The following PDS5B variants were observed in gnomAD, a reference collection of about 807,000 sequenced individuals.
The protein encoded by PDS5B is sister chromatid cohesion protein PDS5 homolog B.
PDS5B carries 51 observed loss-of-function variants against 184.1 expected under a neutral mutation model. The ratio of observed to expected loss-of-function variants is 0.28; its 90% CI spans 0.22 to 0.35. The LOEUF (loss-of-function observed/expected upper bound fraction) is 0.35. Among genes scored for constraint, PDS5B ranks in the 10% least tolerant of loss-of-function variants. The pLI, the probability that PDS5B is intolerant of heterozygous loss-of-function variation, is 1.00. For missense variants in PDS5B, 1,180 were observed against 1,723.3 expected, an observed-to-expected ratio of 0.68 and a Z score of 5.58; for synonymous variants, 566 against 569.2, an observed-to-expected ratio of 0.99 and a Z score of 0.08.
intron 14 of PDS5B, among the ~76,000 whole-genome samples, chr13:32,696,256 A>G (rs1251586346): frequency 6.6e-6 from 1 of 152,094 alleles, no homozygotes; most frequent in African/African-American, 2.4e-5. Context: ...GGTTTTTAAA[A>G]TAACACTACT....
chr13:32,636,752 C>T (rs1566269568), intron 1 of PDS5B, among the ~76,000 whole-genome samples: 1 of 152,162 alleles, frequency 6.6e-6, no homozygotes, highest in Non-Finnish European at 1.5e-5. Context: ...ATATAGTTTA[C>T]AGTTCAGAAG....
At chr13:32,615,713 C>A (rs903861429) in intron 1 of PDS5B, among the ~76,000 whole-genome samples, 2 of 152,032 alleles carry the variant, frequency 1.3e-5, no homozygotes, top group Admixed American at 1.3e-4. Flanking sequence ...GTATTTTCAC[C>A]ATGTGAGCTC....
intron 24 of PDS5B, among the ~76,000 whole-genome samples, chr13:32,750,871 G>C (rs1019322436): frequency 2.6e-5 from 4 of 151,628 alleles, no homozygotes; most frequent in African/African-American, 4.9e-5. Flanking sequence ...GTGTGTGTGT[G>C]TGTGTGTGTG....
intron 24 of PDS5B, among the ~76,000 whole-genome samples, chr13:32,747,396 A>G (rs553735215): frequency 2.2e-4 from 34 of 152,206 alleles, no homozygotes; most frequent in African/African-American, 4.8e-4. Flanking sequence ...ACAGTCATCT[A>G]TTTTTAAATT....
At chr13:32,713,968 G>T (rs2140902230) in intron 19 of PDS5B, among the ~76,000 whole-genome samples, 1 of 152,248 alleles carries the variant, frequency 6.6e-6, no homozygotes, top group Middle Eastern at 3.4e-3. Context: ...GAAATAAAGG[G>T]ACAGAGTACA....
intron 17 of PDS5B, among the ~76,000 whole-genome samples, chr13:32,704,407 G>C (rs1951948047): frequency 6.6e-6 from 1 of 152,150 alleles, no homozygotes; most frequent in African/African-American, 2.4e-5. Flanking sequence ...GGCCTCAAGT[G>C]ATCTGCCCGC....
intron 19 of PDS5B, among the ~76,000 whole-genome samples, chr13:32,720,347 G>A (rs183041132): frequency 8.5e-5 from 13 of 152,232 alleles, no homozygotes; most frequent in African/African-American, 1.2e-4. Context: ...GGTTGGTAAC[G>A]TGGTAATATA....
At chr13:32,652,145 G>GT (rs34522910) in intron 3 of PDS5B, 138 bp downstream of exon 3, 150,325 of 461,614 alleles carry the variant, frequency 0.33, 6,369 homozygotes, top group South Asian at 0.4. Context: ...TAAACTTAAT[G>GT]TTTTTTTTTT....
At chr13:32,648,918 G>C (rs768336939) in intron 2 of PDS5B, 38 bp downstream of exon 2, 1 of 917,676 alleles carries the variant, frequency 1.1e-6, no homozygotes, top group Non-Finnish European at 1.8e-6. Flanking sequence ...TCTGTGTAGG[G>C]CAGAGGTCCC....
chr13:32,621,718 A>G (rs2058304671), intron 1 of PDS5B, among the ~76,000 whole-genome samples: 1 of 152,190 alleles, frequency 6.6e-6, no homozygotes. Context: ...ATTTATTGGC[A>G]TAAAGCAGGA....
At chr13:32,634,070 C>T (rs74045221) in intron 1 of PDS5B, among the ~76,000 whole-genome samples, 198 of 152,228 alleles carry the variant, frequency 1.3e-3, no homozygotes, top group African/African-American at 4.5e-3. Context: ...TCCAGTTGTT[C>T]AGAGCTTCCT....
At chr13:32,687,023 C>T (rs1951415378) in intron 11 of PDS5B, 111 bp from the exon 12 acceptor site, 3 of 763,436 alleles carry the variant, frequency 3.9e-6, no homozygotes, top group Admixed American at 2.7e-5. Context: ...GTATCTGAGA[C>T]TTAAAAAAAT....
chr13:32,623,641 C>T lies in PDS5B; in HGVS notation c.-19-25113C>T, dbSNP rs569009523. Among the ~76,000 whole-genome samples the T allele has an allele frequency of 7.2e-5, 11 of 152,090 alleles. No homozygotes were observed. The South Asian group carries it at 2.1e-3, about 29-fold the overall frequency. ...ATAATTTCGCAAGGCAGGTTTCATA[C>T]CCACCTTTCTGATTGTTATAAATTT... On this transcript the variant is annotated intron_variant, in intron 1 of 34. Transcript: ENST00000315596.
intron 15 of PDS5B, among the ~76,000 whole-genome samples, chr13:32,699,473 G>A (rs1020772493): frequency 6.6e-6 from 1 of 152,006 alleles, no homozygotes; most frequent in Non-Finnish European, 1.5e-5. Context: ...ATATTACAAG[G>A]GATTACTTAG....
chr13:32,692,788 C>T (rs183594617), intron 13 of PDS5B, among the ~76,000 whole-genome samples: 6 of 151,954 alleles, frequency 3.9e-5, no homozygotes. Context: ...TTTATAAAGG[C>T]AATAAACAGG....
At chr13:32,635,156 G>A (rs2058521738) in intron 1 of PDS5B, among the ~76,000 whole-genome samples, 1 of 120,628 alleles carries the variant, frequency 8.3e-6, no homozygotes, top group Admixed American at 9.4e-5. Flanking sequence ...GCACCACCAT[G>A]TCCAGCCAAT....
chr13:32,641,160 A>G (rs921707316), intron 1 of PDS5B, among the ~76,000 whole-genome samples: 1 of 151,804 alleles, frequency 6.6e-6, no homozygotes, highest in Admixed American at 6.6e-5. Context: ...AAGTGCAGTT[A>G]TTTTTCATTT....
chr13:32,759,597 C>G, intron 28 of PDS5B, 31 bp from the exon 29 acceptor site: 1 of 1,238,936 alleles, frequency 8.1e-7, no homozygotes. Context: ...TTTTAATATT[C>G]ACTGACTACT....
chr13:32,639,016 A>G (rs184837364), intron 1 of PDS5B, among the ~76,000 whole-genome samples: 60 of 152,160 alleles, frequency 3.9e-4, no homozygotes, highest in African/African-American at 1.3e-3. Context: ...TGACGTGAAT[A>G]GAAAAATTCG....
Sources: allele counts gnomAD v4.1 joint callset (sites outside exome capture counted in the v4.1 genomes callset), GRCh38; gene constraint gnomAD v4.1.1; transcripts MANE v1.5; gene names NCBI Gene and HGNC (gene_info 2026-07-23, HGNC 2026-07-21).